Variants in SLA2 observed in about 807,000 individuals in gnomAD.
SLA2 encodes the protein Src like adaptor 2.
SLA2 carries 22 observed loss-of-function variants against 27.3 expected under a neutral mutation model. The observed-to-expected ratio is 0.81, with a 90% CI of 0.58 to 1.15. The LOEUF (loss-of-function observed/expected upper bound fraction) is 1.15. Ranked by LOEUF, SLA2 falls within the 50% of genes most tolerant of loss-of-function variation. The pLI, the probability that SLA2 is intolerant of heterozygous loss-of-function variation, is 0.00. For missense variants in SLA2, 304 were observed against 322.2 expected (o/e 0.94, Z 0.43); for synonymous variants, 131 against 137.8 (o/e 0.95, Z 0.34).
rs1406785618 is a variant in SLA2, at chr20:36,645,959, A to ACTCTCT, written c.-172_-167dup. On this transcript the variant is annotated 5_prime_UTR_variant, in exon 1 of 8. Coordinates refer to ENST00000262866, the MANE Select transcript of SLA2 (RefSeq NM_032214.4). ...TGTCCTTGGTCCTAGGACACCCAGA[A>ACTCTCT]CTCTCTCAGCCTGGGAGGATCTTCA... 1 of 152,078 alleles carries ACTCTCT rather than the reference A, an allele frequency of 6.6e-6. No individual in the cohort carries two copies. Among genetic ancestry groups the ACTCTCT allele is most frequent in the Admixed American group, 6.6e-5 (1 of 15,252 alleles). 9.4% of individuals were successfully genotyped at this position (152,078 alleles called of 1,614,324 possible).
At chr20:36,627,145 C>T (rs1027960713) in intron 5 of SLA2, among the ~76,000 whole-genome samples, 3 of 152,144 alleles carry the variant, frequency 2.0e-5, no homozygotes, top group African/African-American at 7.2e-5. Context: ...AAGGTGTTTA[C>T]AGAGTGGCTG....
chr20:36,628,010 T>C (rs193131658), intron 5 of SLA2, among the ~76,000 whole-genome samples: 74 of 152,316 alleles, frequency 4.9e-4, no homozygotes, highest in Non-Finnish European at 9.6e-4. Context: ...GTAAAGTACA[T>C]TGTCTCTTAT....
rs565032817 is a variant in SLA2, at chr20:36,628,519, G to A, written c.382+4076C>T. On this transcript the variant is annotated intron_variant, in intron 5 of 7. Transcript: ENST00000262866. ...AGTGAGATCAGAAACCCTGGAGGTG[G>A]GGTACAGGCATCAGTGTTGATTTAT... Among the ~76,000 whole-genome samples, 4 of 152,146 alleles carry A rather than the reference G, an allele frequency of 2.6e-5. No homozygotes were observed. In the East Asian group the frequency reaches 7.7e-4, roughly 29 times the overall value.
intron 5 of SLA2, among the ~76,000 whole-genome samples, chr20:36,624,003 T>A (rs1481496998): frequency 6.6e-6 from 1 of 152,034 alleles, no homozygotes; most frequent in African/African-American, 2.4e-5. Context: ...TCAGAAAGGG[T>A]AGCTACACTT....
In SLA2 at chr20:36,615,280, G is replaced by A. The variant is rs777723585; in HGVS notation, c.477C>T (p.Tyr159=). ...RIHCLDNGWL[Y]ISPRLTFPSL... The stretch of plus-strand genomic sequence containing the variant: ...AGGGGAAGGTGAGGCGCGGTGAGAT[G>A]TACAGCCAGCCATTGTCAAGGCAGT... The change falls in exon 6 of 8, where the codon TAC becomes TAT. Residue 159 remains tyrosine (Y), a synonymous_variant. Coordinates refer to ENST00000262866, the MANE Select transcript of SLA2 (RefSeq NM_032214.4). The A allele has an allele frequency of 2.5e-5, 41 of 1,614,040 alleles. No individual in the cohort carries two copies. Among genetic ancestry groups the A allele is most frequent in the Middle Eastern group, 1.6e-4 (1 of 6,084 alleles).
At position 36,613,558 on chromosome 20, in the gene SLA2, C is replaced by T; in HGVS notation, c.*308G>A. 4.1e-6 allele frequency: 1 copy of T among 244,174 alleles called. No homozygotes were observed. The highest frequency in any genetic ancestry group is 7.9e-6 in the Non-Finnish European group (1 of 126,778). The allele number at this position is 244,174 out of a possible 1,614,324, so 15.1% of individuals were successfully genotyped here. On this transcript the variant is annotated 3_prime_UTR_variant, in exon 8 of 8. Transcript: ENST00000262866. ...AGGGCATCCAGATGGTACTGGAAACCCCAAACTCAAGAACTAACTAGGTCA... is the reference window on the plus strand; with the variant it reads ...AGGGCATCCAGATGGTACTGGAAACTCCAAACTCAAGAACTAACTAGGTCA...
intron 4 of SLA2, 118 bp downstream of exon 4, chr20:36,633,425 T>C (rs1051593408): frequency 1.2e-6 from 1 of 822,574 alleles, no homozygotes; most frequent in Non-Finnish European, 2.1e-6. Flanking sequence ...GGGCAGGACC[T>C]GGGTTCGATT....
At chr20:36,641,068 G>T (rs2039501931) in intron 2 of SLA2, among the ~76,000 whole-genome samples, 177 bp downstream of exon 2, 1 of 152,174 alleles carries the variant, frequency 6.6e-6, no homozygotes. Flanking sequence ...TACTGCTAAG[G>T]TAGGCTGTAT....
At chr20:36,634,009 G>T (rs2147992083) in intron 3 of SLA2, among the ~76,000 whole-genome samples, 1 of 151,572 alleles carries the variant, frequency 6.6e-6, no homozygotes, top group East Asian at 1.9e-4. Flanking sequence ...ATTTTTTTGA[G>T]ACAGAGTTTT....
At chr20:36,635,562 T>C (rs900297645) in intron 2 of SLA2, among the ~76,000 whole-genome samples, 4 of 152,034 alleles carry the variant, frequency 2.6e-5, no homozygotes, top group African/African-American at 9.7e-5. Context: ...GGAAATGGAC[T>C]AGTTCCCCAC....
intron 1 of SLA2, among the ~76,000 whole-genome samples, chr20:36,642,319 A>G (rs2039515240): frequency 7.9e-6 from 1 of 126,924 alleles, no homozygotes; most frequent in African/African-American, 2.9e-5. Flanking sequence ...AACACTCAAC[A>G]TACAGGTCCG....
chr20:36,617,307 G>A (rs2039224635), intron 5 of SLA2, among the ~76,000 whole-genome samples: 1 of 151,718 alleles, frequency 6.6e-6, no homozygotes, highest in Non-Finnish European at 1.5e-5. Context: ...ACAGGTTGCA[G>A]TGAGCCGAGA....
chr20:36,614,539 G>A, intron 6 of SLA2, 102 bp from the exon 7 acceptor site: 4 of 1,497,614 alleles, frequency 2.7e-6, no homozygotes, highest in Non-Finnish European at 3.5e-6. Context: ...AGGGGGCATG[G>A]TTACCAAAGA....
At chr20:36,644,743 T>A (rs1027511294) in intron 1 of SLA2, among the ~76,000 whole-genome samples, 4 of 152,154 alleles carry the variant, frequency 2.6e-5, no homozygotes, top group African/African-American at 9.6e-5. Flanking sequence ...CATCAAATCA[T>A]TAACTCTACA....
intron 5 of SLA2, 143 bp from the exon 6 acceptor site, chr20:36,615,517 C>T (rs537760231): frequency 6.0e-6 from 5 of 834,992 alleles, no homozygotes; most frequent in Non-Finnish European, 9.4e-6. Context: ...CAAAGACTTG[C>T]TCTCTTGGTC....
At chr20:36,617,434 TGAGGCAG>T (rs934328328) in intron 5 of SLA2, among the ~76,000 whole-genome samples, 65 of 145,142 alleles carry the variant, frequency 4.5e-4, no homozygotes, top group Non-Finnish European at 1.5e-4. Context: ...CTCTGAAGGC[TGAGGCAG>T]GGGGATTGCT....
At chr20:36,626,671 C>G in intron 5 of SLA2, among the ~76,000 whole-genome samples, 1 of 151,362 alleles carries the variant, frequency 6.6e-6, no homozygotes, top group Non-Finnish European at 1.5e-5. Flanking sequence ...CATGGTGAAA[C>G]CCCATCTCTA....
intron 3 of SLA2, 89 bp downstream of exon 3, chr20:36,634,401 A>T: frequency 2.0e-6 from 2 of 991,504 alleles, no homozygotes; most frequent in Non-Finnish European, 3.0e-6. Context: ...CTCCCACCTA[A>T]GCCTCCCAGA....
At chr20:36,625,704 G>A (rs772991048) in intron 5 of SLA2, among the ~76,000 whole-genome samples, 6 of 151,796 alleles carry the variant, frequency 4.0e-5, no homozygotes, top group African/African-American at 7.3e-5. Flanking sequence ...GTGCACGCCT[G>A]TAGTTCCAGC....
Sources: allele counts gnomAD v4.1 joint callset (sites outside exome capture counted in the v4.1 genomes callset), GRCh38; gene constraint gnomAD v4.1.1; transcripts MANE v1.5; gene names NCBI Gene and HGNC (gene_info 2026-07-23, HGNC 2026-07-21).